RNF220: variants seen among roughly 807,000 people sequenced by gnomAD.
RNF220 encodes ring finger protein 220.
RNF220 carries 7 observed loss-of-function variants against 67.1 expected under a neutral mutation model. That is an observed-to-expected ratio of 0.10 (90% CI 0.06 to 0.20). The LOEUF is 0.20. Ranked by LOEUF, RNF220 falls within the 10% of genes least tolerant of loss-of-function variation. The pLI is 1.00. For missense variants in RNF220, 565 were observed against 740.3 expected (o/e 0.76, Z 2.75); for synonymous variants, 270 against 283.2 (o/e 0.95, Z 0.47).
intron 2 of RNF220, among the ~76,000 whole-genome samples, chr1:44,418,832 T>C (rs1254232155): frequency 1.3e-5 from 2 of 152,196 alleles, no homozygotes; most frequent in Non-Finnish European, 2.9e-5. Flanking sequence ...TGAAATGTAT[T>C]CTTTGTAAAT....
intron 2 of RNF220, among the ~76,000 whole-genome samples, chr1:44,497,364 CA>C (rs914304213): frequency 6.8e-6 from 1 of 148,044 alleles, no homozygotes; most frequent in Non-Finnish European, 1.5e-5. Flanking sequence ...CACACACACA[CA>C]GAGTATTGCA....
At chr1:44,428,714 T>C (rs933038541) in intron 2 of RNF220, among the ~76,000 whole-genome samples, 2 of 152,116 alleles carry the variant, frequency 1.3e-5, no homozygotes, top group African/African-American at 4.8e-5. Context: ...GGCCATAATA[T>C]CACTTTTCTT....
rs933079896 is a variant in RNF220, at chr1:44,650,650, A to T, written c.1630-54A>T. 3 of 1,579,202 alleles carry T rather than the reference A, an allele frequency of 1.9e-6. No individual in the cohort carries two copies. Among genetic ancestry groups the T allele is most frequent in the East Asian group, 4.5e-5 (2 of 44,702 alleles). On this transcript the variant is annotated intron_variant, in intron 14 of 14. Coordinates refer to ENST00000361799, the MANE Select transcript of RNF220 (RefSeq NM_018150.4). This position sits in a 1 kb window ranked among gnomAD's most constrained non-coding sequence, Gnocchi z 4.3. ...CATGGCTGCAGGCCCAGGTGCTCAC[A>T]TGCGCACACATGGCTCATTGTGTAG...
chr1:44,603,095 A>T (rs571658869), intron 2 of RNF220, among the ~76,000 whole-genome samples: 1 of 152,344 alleles, frequency 6.6e-6, no homozygotes, highest in South Asian at 2.1e-4. Flanking sequence ...AGGACAAATA[A>T]GGTTTCCCAA....
In RNF220 at chr1:44,632,400, G is replaced by GCCCCCCACCCCC; in HGVS notation, c.949+19_949+20insCCACCCCCCCCC. ...CCGACTGAATGGTGAGTCCTGCCCG[G>GCCCCCCACCCCC]CCCCTCCCTCCGCCCCACCCCCGGC... On this transcript the variant is annotated intron_variant, in intron 6 of 14. Transcript: ENST00000361799. The GCCCCCCACCCCC allele has an allele frequency of 6.2e-7, 1 of 1,607,452 alleles. No individual in the cohort carries two copies.
chr1:44,598,429 C>T (rs916141140), intron 2 of RNF220, among the ~76,000 whole-genome samples: 4 of 152,196 alleles, frequency 2.6e-5, no homozygotes, highest in African/African-American at 2.4e-5. Flanking sequence ...GAATTCTCCA[C>T]GACACTAAAC....
intron 2 of RNF220, among the ~76,000 whole-genome samples, chr1:44,567,335 C>A (rs1036739716): frequency 1.3e-5 from 2 of 152,044 alleles, no homozygotes; most frequent in African/African-American, 4.8e-5. Context: ...AAGGGAGGAG[C>A]ATGTGATGAG....
chr1:44,484,774 G>A (rs781624895), intron 2 of RNF220, among the ~76,000 whole-genome samples: 3 of 152,148 alleles, frequency 2.0e-5, no homozygotes, highest in Non-Finnish European at 4.4e-5. Context: ...TGTAATTAAT[G>A]AATTTCTCTC....
At chr1:44,560,400 C>T (rs931139914) in intron 2 of RNF220, among the ~76,000 whole-genome samples, 2 of 152,082 alleles carry the variant, frequency 1.3e-5, no homozygotes, top group African/African-American at 2.4e-5. Flanking sequence ...ATCATCAGTT[C>T]GGCTCCTGGA....
chr1:44,571,837 T>C (rs1268964597), intron 2 of RNF220, among the ~76,000 whole-genome samples: 6 of 152,236 alleles, frequency 3.9e-5, no homozygotes, highest in Non-Finnish European at 8.8e-5. Flanking sequence ...TTTCATTAAA[T>C]GGCACCACAA....
intron 2 of RNF220, among the ~76,000 whole-genome samples, chr1:44,473,429 C>G (rs563352128): frequency 7.5e-4 from 107 of 143,244 alleles, no homozygotes; most frequent in African/African-American, 2.8e-3. Context: ...ATGCGGTGCC[C>G]CATCACAGGA....
chr1:44,649,542 C>A lies in RNF220; in HGVS notation c.1446-119C>A. On this transcript the variant is annotated intron_variant, in intron 12 of 14. Transcript: ENST00000361799. This position sits in a 1 kb window ranked among gnomAD's most constrained non-coding sequence, Gnocchi z 5.9. ...GATTCAGGTTATCAGAGAAAGGGGG[C>A]AGGCAGGGATGCCTAGGGGACATTT... is the stretch of plus-strand genomic sequence containing the variant. The A allele has an allele frequency of 3.5e-6, 3 of 862,146 alleles. No individual in the cohort carries two copies. Among genetic ancestry groups the A allele is most frequent in the Non-Finnish European group, 5.7e-6 (3 of 528,394 alleles). 53.4% of individuals were successfully genotyped at this position (862,146 alleles called of 1,614,324 possible). A position where few individuals can be genotyped will look rare whatever the true frequency, so the allele number is the denominator to read the frequency against.
intron 2 of RNF220, among the ~76,000 whole-genome samples, chr1:44,472,796 A>G (rs745896287): frequency 5.1e-4 from 77 of 152,220 alleles, no homozygotes; most frequent in African/African-American, 1.7e-3. Context: ...CTAGTCTGCA[A>G]CAATAGAGGA....
At chr1:44,480,841 G>A (rs1275045937) in intron 2 of RNF220, among the ~76,000 whole-genome samples, 1 of 152,092 alleles carries the variant, frequency 6.6e-6, no homozygotes, top group Non-Finnish European at 1.5e-5. Flanking sequence ...AGCTGAGATT[G>A]TAACACTGCA....
chr1:44,572,740 T>C (rs1456225525), intron 2 of RNF220, among the ~76,000 whole-genome samples: 1 of 152,188 alleles, frequency 6.6e-6, no homozygotes, highest in Admixed American at 6.5e-5. Flanking sequence ...TAGCTTTTGA[T>C]ATCTGCCATC....
chr1:44,500,296 C>G (rs905278288), intron 2 of RNF220, among the ~76,000 whole-genome samples: 5 of 152,228 alleles, frequency 3.3e-5, no homozygotes, highest in Non-Finnish European at 7.3e-5. Flanking sequence ...AGCCTTTGCT[C>G]TTGCAGTTCC....
chr1:44,598,088 T>C (rs1666660397), intron 2 of RNF220, among the ~76,000 whole-genome samples: 1 of 151,230 alleles, frequency 6.6e-6, no homozygotes, highest in African/African-American at 2.4e-5. Flanking sequence ...CCAGATGTGC[T>C]CTCTCTGGCT....
At chr1:44,611,457 T>C (rs1167254116) in intron 2 of RNF220, among the ~76,000 whole-genome samples, 4 of 152,224 alleles carry the variant, frequency 2.6e-5, no homozygotes, top group African/African-American at 9.7e-5. Flanking sequence ...ACCCCTGATA[T>C]TTCCAGCTCA....
At chr1:44,447,592 G>A (rs1352080808) in intron 2 of RNF220, among the ~76,000 whole-genome samples, 1 of 152,216 alleles carries the variant, frequency 6.6e-6, no homozygotes. Flanking sequence ...GTATGGAGAT[G>A]AATATGTAGC....
Sources: allele counts gnomAD v4.1 joint callset (sites outside exome capture counted in the v4.1 genomes callset), GRCh38; gene constraint gnomAD v4.1.1; non-coding constraint Gnocchi (gnomAD v3.1); transcripts MANE v1.5; gene names NCBI Gene and HGNC (gene_info 2026-07-23, HGNC 2026-07-21).